B3GLCT: variants seen among roughly 807,000 people sequenced by gnomAD.
B3GLCT encodes the protein beta-1,3-glucosyltransferase.
In B3GLCT, 65 loss-of-function variants were observed where a neutral mutation model predicts 63.4. The observed-to-expected ratio is 1.03, with a 90% CI of 0.84 to 1.26. The LOEUF is 1.26. Ranked by LOEUF, B3GLCT falls within the 50% of genes most tolerant of loss-of-function variation. B3GLCT has a pLI of 0.00. For missense variants in B3GLCT, 577 were observed against 604.8 expected, an observed-to-expected ratio of 0.95 and a Z score of 0.48; for synonymous variants, 233 against 219.2, an observed-to-expected ratio of 1.06 and a Z score of -0.55.
chr13:31,217,405 C>T (rs1214754028), intron 2 of B3GLCT, among the ~76,000 whole-genome samples: 3 of 152,158 alleles, frequency 2.0e-5, no homozygotes, highest in Admixed American at 6.5e-5. Flanking sequence ...TATCTGTTTA[C>T]TCTGTTGATA....
intron 7 of B3GLCT, among the ~76,000 whole-genome samples, chr13:31,267,407 A>G (rs1380279260): frequency 1.3e-5 from 2 of 152,258 alleles, no homozygotes; most frequent in African/African-American, 4.8e-5. Context: ...CATGAGTCCA[A>G]ATCCCAAAGT....
At position 31,234,124 on chromosome 13, in the gene B3GLCT, TCTC is replaced by T. The variant is rs557733665; in HGVS notation, c.270+4833_270+4835del. 7.2e-5 allele frequency among the ~76,000 whole-genome samples: 11 copies of T among 152,106 alleles called. No individual in the cohort carries two copies. The South Asian group carries it at 2.3e-3, about 32-fold the overall frequency. On this transcript the variant is annotated intron_variant, in intron 4 of 14. Coordinates refer to ENST00000343307, the MANE Select transcript of B3GLCT (RefSeq NM_194318.4). ...GCTCCGCCTCCCGGGTTCATGCCAT[TCTC>T]CTGCCTCAGCCTCCCGAGTAGCTGG...
intron 4 of B3GLCT, among the ~76,000 whole-genome samples, chr13:31,238,710 G>A (rs1035037829): frequency 6.6e-6 from 1 of 152,218 alleles, no homozygotes; most frequent in Non-Finnish European, 1.5e-5. Flanking sequence ...AGGAGGCTGA[G>A]GCAGGAGGAT....
intron 1 of B3GLCT, among the ~76,000 whole-genome samples, chr13:31,214,351 T>G (rs771903882): frequency 2.6e-5 from 4 of 152,230 alleles, no homozygotes; most frequent in African/African-American, 4.8e-5. Flanking sequence ...GCTTTATATT[T>G]TCAGAGTGTT....
At chr13:31,214,497 G>A (rs986471193) in intron 1 of B3GLCT, among the ~76,000 whole-genome samples, 2 of 151,996 alleles carry the variant, frequency 1.3e-5, no homozygotes, top group East Asian at 3.9e-4. Context: ...TCACTCTCCC[G>A]GCCCCATTGC....
At chr13:31,324,489 G>A (rs766974564) in intron 14 of B3GLCT, among the ~76,000 whole-genome samples, 1 of 152,188 alleles carries the variant, frequency 6.6e-6, no homozygotes, top group African/African-American at 2.4e-5. Context: ...GCAGTTTGGG[G>A]GTTGGAGAAG....
chr13:31,294,355 T>C (rs1260969856), intron 12 of B3GLCT, among the ~76,000 whole-genome samples: 2 of 152,210 alleles, frequency 1.3e-5, no homozygotes, highest in Non-Finnish European at 2.9e-5. Context: ...GAATGTTAGC[T>C]TGTCTTGCTA....
intron 4 of B3GLCT, among the ~76,000 whole-genome samples, chr13:31,240,467 G>GTTTTTTTT (rs146603707): frequency 6.9e-5 from 9 of 129,790 alleles, no homozygotes; most frequent in Admixed American, 7.6e-5. Context: ...TGCCTCTTTA[G>GTTTTTTTT]TTTTTTTTTT....
At chr13:31,225,925 A>G (rs1470543802) in intron 3 of B3GLCT, among the ~76,000 whole-genome samples, 2 of 152,096 alleles carry the variant, frequency 1.3e-5, no homozygotes, top group Non-Finnish European at 2.9e-5. Flanking sequence ...GTCTTAACGG[A>G]TCTGCCTCCG....
Position 31,274,554 on chromosome 13 carries a change from C to T in B3GLCT, c.706C>T (p.Pro236Ser). The T allele has an allele frequency of 6.2e-7, 1 of 1,614,182 alleles. No homozygotes were observed. Among genetic ancestry groups the T allele is most frequent in the Non-Finnish European group, 8.5e-7 (1 of 1,180,018 alleles). Residue 236 changes from proline (P) to serine (S), a missense_variant, in exon 9 of 15, where the codon CCA becomes TCA. Coordinates refer to ENST00000343307, the MANE Select transcript of B3GLCT (RefSeq NM_194318.4). ...CAAAGGCGGAGGACCTCCCCTGACCCCAGTGCCTGAGTTTTGTACCAATGA... is the reference window on the plus strand; with the variant it reads ...CAAAGGCGGAGGACCTCCCCTGACCTCAGTGCCTGAGTTTTGTACCAATGA... The part of the protein sequence containing the change: ...WDKGGGPPLT[P>S]VPEFCTNDVD...
intron 3 of B3GLCT, among the ~76,000 whole-genome samples, chr13:31,224,820 TG>T (rs2137762591): frequency 6.6e-6 from 1 of 152,308 alleles, no homozygotes; most frequent in African/African-American, 2.4e-5. Flanking sequence ...TACATCGTAT[TG>T]GTTTTTCATC....
In B3GLCT at chr13:31,328,475, C is replaced by T. The variant is rs1027881639; in HGVS notation, c.1330-1026C>T. On this transcript the variant is annotated intron_variant, in intron 14 of 14. Coordinates refer to ENST00000343307, the MANE Select transcript of B3GLCT (RefSeq NM_194318.4). ...TTGGGAGGCCAAGGTAGGTGGATCA[C>T]CTGAGGTCAGGGGTTCGAGACCAGG... Among the ~76,000 whole-genome samples, 11 of 152,070 alleles carry T rather than the reference C, an allele frequency of 7.2e-5. No individual in the cohort carries two copies. The East Asian group carries it at 2.1e-3, about 29-fold the overall frequency.
At chr13:31,240,630 G>C (rs200702498) in intron 4 of B3GLCT, among the ~76,000 whole-genome samples, 1 of 152,156 alleles carries the variant, frequency 6.6e-6, no homozygotes, top group Admixed American at 6.5e-5. Flanking sequence ...GGGAGACTGT[G>C]AGTTACTTCA....
intron 14 of B3GLCT, 92 bp from the exon 15 acceptor site, chr13:31,329,409 G>C (rs1397548930): frequency 7.1e-7 from 1 of 1,410,652 alleles, no homozygotes; most frequent in African/African-American, 1.4e-5. Context: ...AGGTAGTGAA[G>C]TAAAGCAGTC....
chr13:31,288,634 C>T (rs139764542), intron 12 of B3GLCT, among the ~76,000 whole-genome samples: 4 of 152,300 alleles, frequency 2.6e-5, no homozygotes, highest in Middle Eastern at 3.4e-3. Context: ...ACACATACCA[C>T]GAACCTTGTG....
chr13:31,250,205 G>A (rs896862846), intron 6 of B3GLCT, among the ~76,000 whole-genome samples: 4 of 152,014 alleles, frequency 2.6e-5, no homozygotes, highest in African/African-American at 9.7e-5. Context: ...ACAGAGTCTC[G>A]TTCTGTCACC....
chr13:31,258,322 T>A (rs991919841), intron 6 of B3GLCT, among the ~76,000 whole-genome samples: 2 of 152,240 alleles, frequency 1.3e-5, no homozygotes, highest in African/African-American at 4.8e-5. Context: ...GTTGCTCATA[T>A]TAAAAACCTA....
At chr13:31,300,959 A>G (rs1023133036) in intron 12 of B3GLCT, among the ~76,000 whole-genome samples, 1 of 152,144 alleles carries the variant, frequency 6.6e-6, no homozygotes, top group African/African-American at 2.4e-5. Flanking sequence ...CTTCCTTCCA[A>G]GTTAAACTAT....
intron 3 of B3GLCT, among the ~76,000 whole-genome samples, chr13:31,227,737 C>A (rs1593257362): frequency 6.6e-6 from 1 of 152,018 alleles, no homozygotes; most frequent in East Asian, 1.9e-4. Flanking sequence ...ATGAATGGAC[C>A]TATAGAATAG....
Sources: allele counts gnomAD v4.1 joint callset (sites outside exome capture counted in the v4.1 genomes callset), GRCh38; gene constraint gnomAD v4.1.1; transcripts MANE v1.5; gene names NCBI Gene and HGNC (gene_info 2026-07-23, HGNC 2026-07-21).